Variants in MOSPD1 observed in about 807,000 individuals in gnomAD.
MOSPD1 encodes motile sperm domain-containing protein 1.
A neutral mutation model predicts 16.7 loss-of-function variants in MOSPD1; 5 were observed. The observed-to-expected ratio is 0.30, with a 90% CI of 0.16 to 0.63. MOSPD1 has a LOEUF of 0.63. Ranked by LOEUF, MOSPD1 falls within the 30% of genes least tolerant of loss-of-function variation. MOSPD1 has a pLI of 0.82. For missense variants in MOSPD1, 104 were observed against 153.6 expected (o/e 0.68, Z 1.71); for synonymous variants, 67 against 59.2 (o/e 1.13, Z -0.61).
At chrX:134,909,111 C>CA (rs200012314) in intron 1 of MOSPD1, among the ~76,000 whole-genome samples, 5,809 of 105,603 alleles carry the variant, frequency 0.055, 383 homozygotes, top group African/African-American at 0.18. Context: ...ACTAAAAATA[C>CA]AAAAAAAAAA....
chrX:134,906,000 ATAG>A (rs1381143872), intron 1 of MOSPD1, among the ~76,000 whole-genome samples: 1 of 111,453 alleles, frequency 9.0e-6, no homozygotes, highest in African/African-American at 3.3e-5. Context: ...GAATAATGGC[ATAG>A]TAGAAATTCT....
At chrX:134,901,435 G>T (rs2082910961) in intron 1 of MOSPD1, among the ~76,000 whole-genome samples, 1 of 110,174 alleles carries the variant, frequency 9.1e-6, no homozygotes. Context: ...GATCACTTGA[G>T]GTCAGGAGTT....
intron 5 of MOSPD1, among the ~76,000 whole-genome samples, chrX:134,891,145 A>G (rs2082861236): frequency 9.0e-6 from 1 of 111,503 alleles, no homozygotes; most frequent in South Asian, 3.8e-4. Context: ...CATCTTTATC[A>G]CTGTATGTAC....
chrX:134,911,301 A>G (rs1299330902), intron 1 of MOSPD1, among the ~76,000 whole-genome samples: 1 of 112,480 alleles, frequency 8.9e-6, no homozygotes, highest in Non-Finnish European at 1.9e-5. Flanking sequence ...TGAATGTGGC[A>G]TGAAGCAATG....
chrX:134,900,259 A>T (rs1410919171), intron 1 of MOSPD1, among the ~76,000 whole-genome samples: 1 of 112,253 alleles, frequency 8.9e-6, no homozygotes, highest in African/African-American at 3.2e-5. Context: ...ATTCTTAAAG[A>T]CTAAAAAATA....
At chrX:134,891,391 GAAAAA>G (rs369970722) in intron 5 of MOSPD1, 83 bp downstream of exon 5, 3 of 769,609 alleles carry the variant, frequency 3.9e-6, no homozygotes, top group Admixed American at 7.5e-5. Context: ...TGTTCTTTGG[GAAAAA>G]AAAAAAAAAT....
chrX:134,892,950 G>A (rs1343994429), intron 4 of MOSPD1, among the ~76,000 whole-genome samples: 1 of 111,181 alleles, frequency 9.0e-6, no homozygotes, highest in African/African-American at 3.3e-5. Context: ...TACAGTTCTG[G>A]CTCTATGTGT....
intron 1 of MOSPD1, among the ~76,000 whole-genome samples, chrX:134,912,829 C>G (rs931774772): frequency 1.8e-5 from 2 of 108,647 alleles, no homozygotes; most frequent in African/African-American, 6.7e-5. Context: ...GTCCCAGGTA[C>G]TGGGGAGGCT....
intron 5 of MOSPD1, 67 bp downstream of exon 5, chrX:134,891,409 AACC>A: frequency 2.9e-6 from 3 of 1,052,448 alleles, no homozygotes; most frequent in Middle Eastern, 2.6e-4. Context: ...AAAAAAATCA[AACC>A]ACCACCACCC....
chrX:134,910,765 G>A (rs1252501756), intron 1 of MOSPD1, among the ~76,000 whole-genome samples: 1 of 112,118 alleles, frequency 8.9e-6, no homozygotes, highest in African/African-American at 3.2e-5. Context: ...AATATGGGGA[G>A]AGGGGCAAGT....
At chrX:134,910,065 A>ATT (rs1293530657) in intron 1 of MOSPD1, among the ~76,000 whole-genome samples, 1 of 111,672 alleles carries the variant, frequency 9.0e-6, no homozygotes, top group Non-Finnish European at 1.9e-5. Context: ...ATATTATATG[A>ATT]TTATATATAT....
intron 1 of MOSPD1, among the ~76,000 whole-genome samples, chrX:134,911,610 T>A (rs961658715): frequency 1.8e-5 from 2 of 112,367 alleles, no homozygotes; most frequent in African/African-American, 6.5e-5. Flanking sequence ...GTTTGGCAGT[T>A]CTCACTGAGA....
At chrX:134,897,318 C>T (rs1453587088) in intron 3 of MOSPD1, among the ~76,000 whole-genome samples, 1 of 109,667 alleles carries the variant, frequency 9.1e-6, no homozygotes, top group Admixed American at 9.9e-5. Flanking sequence ...GTGGCTCACA[C>T]CTGTAATCCC....
At chrX:134,900,670 T>C (rs1329620385) in intron 1 of MOSPD1, among the ~76,000 whole-genome samples, 1 of 111,030 alleles carries the variant, frequency 9.0e-6, no homozygotes, top group East Asian at 2.8e-4. Flanking sequence ...AAGCGTGATG[T>C]TTCTGTATTT....
intron 1 of MOSPD1, among the ~76,000 whole-genome samples, chrX:134,914,541 G>T (rs1221644148): frequency 1.8e-5 from 2 of 111,172 alleles, no homozygotes; most frequent in African/African-American, 6.5e-5. Flanking sequence ...AGAGGTCTGG[G>T]GAGGGGGAAG....
intron 1 of MOSPD1, among the ~76,000 whole-genome samples, chrX:134,913,882 T>C (rs895389251): frequency 8.9e-6 from 1 of 111,776 alleles, no homozygotes; most frequent in East Asian, 2.8e-4. Flanking sequence ...CGTGAACAAC[T>C]TGAAAGACAC....
intron 1 of MOSPD1, among the ~76,000 whole-genome samples, chrX:134,903,822 C>T (rs775162705): frequency 5.6e-4 from 61 of 109,348 alleles, no homozygotes; most frequent in Non-Finnish European, 1.0e-3. Flanking sequence ...AGGCAGATCA[C>T]GAGGTCAGGA....
At chrX:134,900,985 G>A (rs1019064741) in intron 1 of MOSPD1, among the ~76,000 whole-genome samples, 1 of 102,627 alleles carries the variant, frequency 9.7e-6, no homozygotes, top group Non-Finnish European at 2.1e-5. Flanking sequence ...TTTCAAGTTC[G>A]GGTTCTCATA....
chrX:134,890,019 C>T (rs1176491766), intron 5 of MOSPD1, among the ~76,000 whole-genome samples: 1 of 102,663 alleles, frequency 9.7e-6, no homozygotes, highest in Non-Finnish European at 2.0e-5. Context: ...TGCAGTGAGC[C>T]GAGATCCAGC....
Sources: gnomAD v4.1 joint callset for allele counts (sites outside exome capture counted in the v4.1 genomes callset) on GRCh38, gnomAD v4.1.1 for gene constraint, MANE v1.5 for transcripts, NCBI Gene and HGNC (gene_info 2026-07-23, HGNC 2026-07-21) for gene names.